ADAMTS17: variants seen among roughly 807,000 people sequenced by gnomAD.
ADAMTS17 encodes the protein A disintegrin and metalloproteinase with thrombospondin motifs 17.
Under a neutral mutation model 141.5 loss-of-function variants are expected in ADAMTS17, and 113 were observed. The ratio of observed to expected loss-of-function variants is 0.80; its 90% CI spans 0.69 to 0.93. The LOEUF (loss-of-function observed/expected upper bound fraction) is 0.93, where lower values mean the gene tolerates loss of function less well. ADAMTS17 is among the 40% of genes least tolerant of loss of function. The probability of loss-of-function intolerance (pLI) is 0.00; values close to 1 mark genes in which losing one functional copy is unlikely to be tolerated. For synonymous variants in ADAMTS17, 768 were observed against 630.6 expected, an observed-to-expected ratio of 1.22 and a Z score of -3.27; for missense variants, 1,659 against 1,517.9, an observed-to-expected ratio of 1.09 and a Z score of -1.54.
intron 8 of ADAMTS17, among the ~76,000 whole-genome samples, chr15:100,183,249 C>A (rs550906460): frequency 8.2e-4 from 125 of 152,264 alleles, no homozygotes; most frequent in African/African-American, 1.5e-3. Context: ...TTGGCCTCCC[C>A]CAAAGTGCTG....
intron 17 of ADAMTS17, among the ~76,000 whole-genome samples, 176 bp downstream of exon 17, chr15:100,051,396 G>T (rs1044046948): frequency 6.6e-6 from 1 of 152,222 alleles, no homozygotes; most frequent in Non-Finnish European, 1.5e-5. Flanking sequence ...CCTAGTGTGG[G>T]AGTTGGGAAG....
chr15:100,293,147 G>C (rs1429527837), intron 3 of ADAMTS17, among the ~76,000 whole-genome samples: 1 of 152,210 alleles, frequency 6.6e-6, no homozygotes, highest in Non-Finnish European at 1.5e-5. Context: ...GGGGTCCCTT[G>C]GTCCAGGGAG....
At chr15:99,977,300 G>C (rs542487570) in intron 20 of ADAMTS17, among the ~76,000 whole-genome samples, 1 of 135,840 alleles carries the variant, frequency 7.4e-6, no homozygotes, top group East Asian at 2.3e-4. Flanking sequence ...AATTCCCAAG[G>C]AGTGGACCCG....
rs553393364 is a variant in ADAMTS17, at chr15:100,313,802, C to T, written c.616+17087G>A. ...AAACGTCAGACAAAACCACCCCAAA[C>T]GTCACCATGAAGAAACGTCAGACAA... is the stretch of plus-strand genomic sequence containing the variant. On this transcript the variant is annotated intron_variant, in intron 3 of 21. Transcript: ENST00000268070. 8.8e-3 allele frequency among the ~76,000 whole-genome samples: 1,202 copies of T among 136,304 alleles called. 6 individuals carry two copies. The highest frequency in any genetic ancestry group is 0.032 in the African/African-American group (1,101 of 34,724). The allele number at this position is 136,304 out of a possible 152,430, so 89.4% of individuals were successfully genotyped here.
At chr15:100,264,271 C>A (rs143435679) in intron 4 of ADAMTS17, among the ~76,000 whole-genome samples, 1 of 152,080 alleles carries the variant, frequency 6.6e-6, no homozygotes, top group African/African-American at 2.4e-5. Context: ...GGGGAGGCAC[C>A]CAACTTGTTC....
intron 7 of ADAMTS17, among the ~76,000 whole-genome samples, chr15:100,253,325 G>A (rs1274711908): frequency 7.3e-6 from 1 of 137,754 alleles, no homozygotes; most frequent in Non-Finnish European, 1.5e-5. Context: ...GGGAGAGAAA[G>A]GAAAATGGCA....
intron 2 of ADAMTS17, among the ~76,000 whole-genome samples, chr15:100,334,162 G>A (rs1426049301): frequency 6.6e-6 from 1 of 152,230 alleles, no homozygotes; most frequent in Non-Finnish European, 1.5e-5. Context: ...CCTCGTGCCT[G>A]AAGCAGGACG....
intron 18 of ADAMTS17, among the ~76,000 whole-genome samples, chr15:100,013,664 C>T (rs1409412062): frequency 6.6e-6 from 1 of 152,154 alleles, no homozygotes; most frequent in African/African-American, 2.4e-5. Context: ...GTTTTAAATT[C>T]TATTTATGTG....
chr15:100,273,087 G>A (rs1353612711), intron 4 of ADAMTS17, among the ~76,000 whole-genome samples: 2 of 151,942 alleles, frequency 1.3e-5, no homozygotes, highest in East Asian at 3.9e-4. Context: ...TATTGAATTT[G>A]GTTTCCTAGT....
intron 3 of ADAMTS17, among the ~76,000 whole-genome samples, chr15:100,324,005 CG>C (rs2045818067): frequency 6.9e-6 from 1 of 145,892 alleles, no homozygotes; most frequent in Admixed American, 7.0e-5. Flanking sequence ...CAGTCACATC[CG>C]TAAACGTTCC....
At chr15:100,283,760 T>C (rs1337443117) in intron 3 of ADAMTS17, among the ~76,000 whole-genome samples, 1 of 152,194 alleles carries the variant, frequency 6.6e-6, no homozygotes, top group Non-Finnish European at 1.5e-5. Context: ...AAAAGTAGCC[T>C]GTCACTCCCA....
rs563323760 is a variant in ADAMTS17 at position 100,062,844 on chromosome 15, C to T, written c.2138-8790G>A. The stretch of plus-strand genomic sequence containing the variant: ...CCTTGAGTTTAAGTTTAACCCAAGA[C>T]AGGAACATGGGATTAAAGCTGGCAG... On this transcript the variant is annotated intron_variant, in intron 15 of 21. Transcript: ENST00000268070. Among the ~76,000 whole-genome samples the T allele has an allele frequency of 7.9e-5, 12 of 152,288 alleles. No individual in the cohort carries two copies. The South Asian group carries it at 1.7e-3, about 21-fold the overall frequency.
intron 10 of ADAMTS17, among the ~76,000 whole-genome samples, chr15:100,138,387 ACTAT>A (rs1023299056): frequency 4.6e-5 from 7 of 152,362 alleles, no homozygotes; most frequent in African/African-American, 1.4e-4. Flanking sequence ...ATTTATAGTA[ACTAT>A]CTATAAAGAA....
intron 15 of ADAMTS17, among the ~76,000 whole-genome samples, chr15:100,083,345 G>A (rs1057417565): frequency 6.6e-6 from 1 of 152,176 alleles, no homozygotes; most frequent in South Asian, 2.1e-4. Flanking sequence ...TGAGATCTAG[G>A]AGGCACTTTT....
At chr15:100,251,297 T>C (rs2043146523) in intron 7 of ADAMTS17, among the ~76,000 whole-genome samples, 1 of 152,162 alleles carries the variant, frequency 6.6e-6, no homozygotes, top group Non-Finnish European at 1.5e-5. Flanking sequence ...TATGAGGACA[T>C]AAGATGCTCC....
chr15:100,058,428 T>G (rs191104550), intron 15 of ADAMTS17, among the ~76,000 whole-genome samples: 7 of 148,894 alleles, frequency 4.7e-5, no homozygotes, highest in African/African-American at 1.7e-4. Context: ...CTTGTTTATG[T>G]ATTCCTCGGG....
At chr15:100,014,510 T>G (rs2061250502) in intron 18 of ADAMTS17, among the ~76,000 whole-genome samples, 1 of 152,232 alleles carries the variant, frequency 6.6e-6, no homozygotes, top group South Asian at 2.1e-4. Flanking sequence ...CTGAGAACTT[T>G]CCTCTTATCA....
intron 18 of ADAMTS17, among the ~76,000 whole-genome samples, chr15:100,032,022 C>T (rs1596268294): frequency 6.6e-6 from 1 of 152,196 alleles, no homozygotes; most frequent in Non-Finnish European, 1.5e-5. Flanking sequence ...ATACGCGGCA[C>T]TTGGTACAGG....
intron 16 of ADAMTS17, among the ~76,000 whole-genome samples, chr15:100,052,167 C>T (rs2032199638): frequency 6.6e-6 from 1 of 152,236 alleles, no homozygotes; most frequent in South Asian, 2.1e-4. Flanking sequence ...ATTGGGGTGA[C>T]TCTATTTCTT....
Sources: gnomAD v4.1 joint callset for allele counts (sites outside exome capture counted in the v4.1 genomes callset) on GRCh38, gnomAD v4.1.1 for gene constraint, MANE v1.5 for transcripts, NCBI Gene and HGNC (gene_info 2026-07-23, HGNC 2026-07-21) for gene names.